AK5: variants seen among roughly 807,000 people sequenced by gnomAD.
The protein encoded by AK5 is adenylate kinase isoenzyme 5.
A neutral mutation model predicts 69.5 loss-of-function variants in AK5; 27 were observed. The observed-to-expected ratio is 0.39, with a 90% CI of 0.29 to 0.54. AK5 has a LOEUF of 0.54. AK5 is among the 20% of genes least tolerant of loss of function. The pLI, the probability that AK5 is intolerant of heterozygous loss-of-function variation, is 0.71. For missense variants in AK5, 531 were observed against 700.4 expected (o/e 0.76, Z 2.73); for synonymous variants, 260 against 244.4 (o/e 1.06, Z -0.60).
intron 3 of AK5, among the ~76,000 whole-genome samples, chr1:77,296,502 A>ATTT (rs56743140): frequency 0.094 from 14,322 of 152,140 alleles, 812 homozygotes; most frequent in East Asian, 0.2. Context: ...TTGACAAAAA[A>ATTT]TTTTTTTTCT....
chr1:77,446,011 C>T (rs1477092411), intron 8 of AK5, among the ~76,000 whole-genome samples: 2 of 152,122 alleles, frequency 1.3e-5, no homozygotes, highest in African/African-American at 2.4e-5. Context: ...TTGCCAAGGC[C>T]AATGTCAAGA....
chr1:77,475,502 AT>A lies in AK5; in HGVS notation c.1060-7813del, dbSNP rs1285796299. 1.5e-3 allele frequency among the ~76,000 whole-genome samples: 70 copies of A among 47,576 alleles called. 1 individual carries two copies. The highest frequency in any genetic ancestry group is 2.4e-3 in the Admixed American group (7 of 2,920). The allele number at this position is 47,576 out of a possible 152,430, so 31.2% of individuals were successfully genotyped here. A position where few individuals can be genotyped will look rare whatever the true frequency, so the allele number is the denominator to read the frequency against. On this transcript the variant is annotated intron_variant, in intron 8 of 13. Coordinates refer to ENST00000354567, the MANE Select transcript of AK5 (RefSeq NM_174858.3). ...ATATATTATATATATACAAATATAT[AT>A]TATATATATATGTATATATATTATA...
intron 6 of AK5, among the ~76,000 whole-genome samples, chr1:77,398,418 G>T (rs1259864427): frequency 6.6e-6 from 1 of 152,120 alleles, no homozygotes; most frequent in Non-Finnish European, 1.5e-5. Flanking sequence ...AGGCTTTAAC[G>T]AATTTCTTTA....
At chr1:77,546,783 A>G (rs1347721897) in intron 13 of AK5, among the ~76,000 whole-genome samples, 2 of 152,320 alleles carry the variant, frequency 1.3e-5, no homozygotes, top group East Asian at 3.9e-4. Context: ...TAGGTGCCAT[A>G]ATAGGATCTA....
intron 8 of AK5, among the ~76,000 whole-genome samples, chr1:77,474,728 G>A (rs769748328): frequency 7.9e-5 from 12 of 152,170 alleles, no homozygotes; most frequent in African/African-American, 2.9e-4. Flanking sequence ...GAAAGGTGAT[G>A]TGACAAAGGA....
chr1:77,382,081 T>A (rs766224545), intron 6 of AK5, among the ~76,000 whole-genome samples: 4 of 152,180 alleles, frequency 2.6e-5, no homozygotes, highest in Non-Finnish European at 4.4e-5. Flanking sequence ...CTCCATGAAC[T>A]TTTATAAAAA....
At chr1:77,368,085 A>C (rs1433540253) in intron 6 of AK5, among the ~76,000 whole-genome samples, 1 of 137,044 alleles carries the variant, frequency 7.3e-6, no homozygotes, top group African/African-American at 2.7e-5. Flanking sequence ...GATGGAAAAA[A>C]TACTAAGTCT....
intron 8 of AK5, among the ~76,000 whole-genome samples, chr1:77,450,606 G>GTAC (rs1653083871): frequency 6.6e-6 from 1 of 152,208 alleles, no homozygotes; most frequent in African/African-American, 2.4e-5. Flanking sequence ...CTCACTCTAA[G>GTAC]TTCATCACTT....
At chr1:77,288,663 ACT>A (rs1489496083) in intron 2 of AK5, among the ~76,000 whole-genome samples, 1 of 152,176 alleles carries the variant, frequency 6.6e-6, no homozygotes, top group African/African-American at 2.4e-5. Flanking sequence ...CAATGATATG[ACT>A]CTGACCAAAC....
chr1:77,400,981 C>G lies in AK5; in HGVS notation c.892-10000C>G, dbSNP rs574260001. Among the ~76,000 whole-genome samples, 6 of 148,524 alleles carry G rather than the reference C, an allele frequency of 4.0e-5. No homozygotes were observed. The East Asian group carries it at 1.2e-3, about 29-fold the overall frequency. On this transcript the variant is annotated intron_variant, in intron 6 of 13. Transcript: ENST00000354567. ...GTATGTTCCGCCAAGCTTGGTTCAG[C>G]AGGGCTGTACCACAGGAATTCTCAT...
intron 8 of AK5, among the ~76,000 whole-genome samples, chr1:77,475,545 T>TA (rs1553155064): frequency 0.078 from 6,597 of 84,440 alleles, 487 homozygotes; most frequent in African/African-American, 0.15. Flanking sequence ...CAAATATATA[T>TA]TATATATATA....
chr1:77,533,225 C>T (rs953458451), intron 12 of AK5, among the ~76,000 whole-genome samples: 4 of 152,028 alleles, frequency 2.6e-5, no homozygotes, highest in South Asian at 2.1e-4. Flanking sequence ...GGTTAAGATG[C>T]AGACTCTAGG....
intron 8 of AK5, among the ~76,000 whole-genome samples, chr1:77,478,593 G>C (rs1655081855): frequency 6.6e-6 from 1 of 152,150 alleles, no homozygotes; most frequent in African/African-American, 2.4e-5. Flanking sequence ...TCTCAGGTAT[G>C]TCTTTATCAG....
intron 5 of AK5, among the ~76,000 whole-genome samples, chr1:77,334,756 A>G (rs571529389): frequency 6.6e-6 from 1 of 152,284 alleles, no homozygotes; most frequent in African/African-American, 2.4e-5. Context: ...TTAGTTATCT[A>G]AGGGTGGTTC....
At chr1:77,506,372 T>G (rs1657027823) in intron 10 of AK5, among the ~76,000 whole-genome samples, 2 of 152,230 alleles carry the variant, frequency 1.3e-5, no homozygotes, top group East Asian at 3.9e-4. Flanking sequence ...AAATCTTGTC[T>G]GTGTCTCTGT....
At chr1:77,507,392 A>G (rs1272022093) in intron 10 of AK5, among the ~76,000 whole-genome samples, 2 of 152,278 alleles carry the variant, frequency 1.3e-5, no homozygotes, top group South Asian at 2.1e-4. Flanking sequence ...CCTGTTTCAA[A>G]TAGCTGTTGT....
chr1:77,283,294 G>A (rs138329691), intron 1 of AK5: 3 of 985,286 alleles, frequency 3.0e-6, no homozygotes, highest in Non-Finnish European at 3.6e-6. Context: ...TTGAAGTAGG[G>A]GGGAGGAGGA....
At chr1:77,308,344 C>A (rs1309585251) in intron 5 of AK5, among the ~76,000 whole-genome samples, 3 of 148,042 alleles carry the variant, frequency 2.0e-5, no homozygotes, top group Admixed American at 7.0e-5. Context: ...TACTTCTTGG[C>A]TTTGTATAGT....
At chr1:77,386,646 T>A (rs1648050536) in intron 6 of AK5, among the ~76,000 whole-genome samples, 1 of 152,198 alleles carries the variant, frequency 6.6e-6, no homozygotes, top group Non-Finnish European at 1.5e-5. Context: ...CTTGTATGTG[T>A]TTGAAAATTT....
Sources: gnomAD v4.1 joint callset for allele counts (sites outside exome capture counted in the v4.1 genomes callset) on GRCh38, gnomAD v4.1.1 for gene constraint, MANE v1.5 for transcripts, NCBI Gene and HGNC (gene_info 2026-07-23, HGNC 2026-07-21) for gene names.